The following SIGLEC10 variants were observed in gnomAD, a reference collection of about 807,000 sequenced individuals.
The protein encoded by SIGLEC10 is sialic acid-binding Ig-like lectin 10.
SIGLEC10 carries 45 observed loss-of-function variants against 68.3 expected under a neutral mutation model. The ratio of observed to expected loss-of-function variants is 0.66; its 90% CI spans 0.52 to 0.84. The LOEUF (loss-of-function observed/expected upper bound fraction) is 0.84. SIGLEC10 is among the 40% of genes least tolerant of loss of function. The pLI is 0.00. For missense variants in SIGLEC10, 789 were observed against 883.1 expected (o/e 0.89, Z 1.35); for synonymous variants, 379 against 370.8 (o/e 1.02, Z -0.26).
chr19:51,414,368 T>G lies in SIGLEC10; in HGVS notation c.1709+54A>C, dbSNP rs779473355. On this transcript the variant is annotated intron_variant, in intron 9 of 10. Transcript: ENST00000339313. The surrounding 1 kb of genome is among the most constrained non-coding windows in gnomAD (Gnocchi z 4.1). Reference sequence around the variant, plus strand: ...CTTCACTCTTTCGGCCTGCAACACCTCCCCTCTTCCTGGGTCCAGGCCCCA... The same window carrying G: ...CTTCACTCTTTCGGCCTGCAACACCGCCCCTCTTCCTGGGTCCAGGCCCCA... The G allele has an allele frequency of 6.7e-7, 1 of 1,485,434 alleles. No homozygotes were observed. The highest frequency in any genetic ancestry group is 9.3e-7 in the Non-Finnish European group (1 of 1,072,286). 92.0% of individuals were successfully genotyped at this position (1,485,434 alleles called of 1,614,324 possible).
At position 51,415,169 on chromosome 19, in the gene SIGLEC10, T is replaced by TC. The variant is rs768927521; in HGVS notation, c.1330+11dup. 1 of 1,592,316 alleles carries TC rather than the reference T, an allele frequency of 6.3e-7. No homozygotes were observed. Among genetic ancestry groups the TC allele is most frequent in the South Asian group, 1.1e-5 (1 of 87,638 alleles). Reference sequence around the variant, plus strand: ...CTTCCTGGGACCCAGGTGTCCCCTTTCCCCCACTCACAGTGCACGGAGAGG... The same window carrying TC: ...CTTCCTGGGACCCAGGTGTCCCCTTTCCCCCCACTCACAGTGCACGGAGAGG... On this transcript the variant is annotated intron_variant, in intron 7 of 10. Coordinates refer to ENST00000339313, the MANE Select transcript of SIGLEC10 (RefSeq NM_033130.5).
chr19:51,414,564 A>AC lies in SIGLEC10; in HGVS notation c.1616-50dup. On this transcript the variant is annotated intron_variant, in intron 8 of 10. Coordinates refer to ENST00000339313, the MANE Select transcript of SIGLEC10 (RefSeq NM_033130.5). This position sits in a 1 kb window ranked among gnomAD's most constrained non-coding sequence, Gnocchi z 4.1. ...AGCATTTCCCATCCACGCAGGGCTC[A>AC]CGAAGCCCGCTCATCACTCGGCATT... 1 of 1,567,662 alleles carries AC rather than the reference A, an allele frequency of 6.4e-7. No homozygotes were observed. Among genetic ancestry groups the AC allele is most frequent in the Non-Finnish European group, 8.8e-7 (1 of 1,141,894 alleles).
At position 51,410,828 on chromosome 19, in the gene SIGLEC10, T is replaced by C. The variant is rs1035683307; in HGVS notation, c.*271A>G. On this transcript the variant is annotated 3_prime_UTR_variant, in exon 11 of 11. Coordinates refer to ENST00000339313, the MANE Select transcript of SIGLEC10 (RefSeq NM_033130.5). ...CATGCCCAGCTAATTTTTGTATTTT[T>C]AGTAGAGACGGGGTTTCACCAAGTT... 1.6e-5 allele frequency: 5 copies of C among 317,470 alleles called. No homozygotes were observed. Among genetic ancestry groups the C allele is most frequent in the African/African-American group, 2.1e-5 (1 of 47,648 alleles). 19.7% of individuals were successfully genotyped at this position (317,470 alleles called of 1,614,324 possible). A position where few individuals can be genotyped will look rare whatever the true frequency, so the allele number is the denominator to read the frequency against.
Position 51,411,176 on chromosome 19 carries a change from G to C in SIGLEC10, c.2017C>G (p.Pro673Ala). The change falls in exon 11 of 11, where the codon CCA (proline) becomes GCA (alanine). Residue 673 changes from proline to alanine, a missense_variant. By Grantham distance (27) the Pro-to-Ala change is conservative. Coordinates refer to ENST00000339313, the MANE Select transcript of SIGLEC10 (RefSeq NM_033130.5). ...GCCTCAGGCCTGGGTCTGACGCCTG[G>C]GAAGTTGAGCGTGGCATAATGGAGC... Reference protein sequence around the residue: ...EELHYATLNFPGVRPRPEARM... With the variant: ...EELHYATLNFAGVRPRPEARM... 1 of 1,614,216 alleles carries C rather than the reference G, an allele frequency of 6.2e-7. No individual in the cohort carries two copies. Among genetic ancestry groups the C allele is most frequent in the Non-Finnish European group, 8.5e-7 (1 of 1,180,044 alleles).
chr19:51,414,404 C>T lies in SIGLEC10; in HGVS notation c.1709+18G>A, dbSNP rs1988337029. 5.0e-6 allele frequency: 8 copies of T among 1,608,534 alleles called. No homozygotes were observed. The highest frequency in any genetic ancestry group is 5.9e-6 in the Non-Finnish European group (7 of 1,176,680). Reference sequence around the variant, plus strand: ...TGGGTCCAGGCCCCAGACCCCGCCACGCCTCCTCTTAACCTACATGATCAG... The same window carrying T: ...TGGGTCCAGGCCCCAGACCCCGCCATGCCTCCTCTTAACCTACATGATCAG... On this transcript the variant is annotated intron_variant, in intron 9 of 10. Coordinates refer to ENST00000339313, the MANE Select transcript of SIGLEC10 (RefSeq NM_033130.5). The surrounding 1 kb of genome is among the most constrained non-coding windows in gnomAD (Gnocchi z 4.1).
intron 10 of SIGLEC10, among the ~76,000 whole-genome samples, chr19:51,412,303 A>C (rs1988094465): frequency 6.6e-6 from 1 of 151,900 alleles, no homozygotes; most frequent in Non-Finnish European, 1.5e-5. Flanking sequence ...TGTAGTAGTG[A>C]GGGAAGAGTA....
chr19:51,411,073 T>A lies in SIGLEC10; in HGVS notation c.*26A>T. 6.2e-7 allele frequency: 1 copy of A among 1,600,466 alleles called. No homozygotes were observed. Among genetic ancestry groups the A allele is most frequent in the Non-Finnish European group, 8.5e-7 (1 of 1,171,834 alleles). ...ACTCTACCTTCCTCCCTAGCCGAAG[T>A]CCCAGTCCTAAAGCCTAAGAGACCC... On this transcript the variant is annotated 3_prime_UTR_variant, in exon 11 of 11. Coordinates refer to ENST00000339313, the MANE Select transcript of SIGLEC10 (RefSeq NM_033130.5).
intron 4 of SIGLEC10, 22 bp downstream of exon 4, chr19:51,416,288 C>G: frequency 6.2e-7 from 1 of 1,614,058 alleles, no homozygotes; most frequent in Non-Finnish European, 8.5e-7. Context: ...TGGCCCAGCC[C>G]CAGCCCGACG....
Position 51,417,595 on chromosome 19 carries a change from G to A in SIGLEC10, c.-14C>T, listed in dbSNP as rs1236737144. ...TGGCAGTAGCATCTCCGCATAGGAG[G>A]CGCAGGGCCTGCCTGAGACAGGCCT... On this transcript the variant is annotated 5_prime_UTR_variant, in exon 1 of 11. Transcript: ENST00000339313. 1.1e-5 allele frequency: 18 copies of A among 1,614,108 alleles called. No individual in the cohort carries two copies. The highest frequency in any genetic ancestry group is 1.5e-5 in the Non-Finnish European group (18 of 1,179,940).
chr19:51,411,596 CGAAAGG>C (rs1242895038), intron 10 of SIGLEC10, among the ~76,000 whole-genome samples: 2 of 152,068 alleles, frequency 1.3e-5, no homozygotes, highest in Non-Finnish European at 2.9e-5. Flanking sequence ...TAGAAGGCAG[CGAAAGG>C]GAGGGTGGGA....
At position 51,417,269 on chromosome 19, in the gene SIGLEC10, C is replaced by G; in HGVS notation, c.234G>C (p.Gln78His). The change falls in exon 2 of 11, where the codon CAG becomes CAC. Residue 78 changes from glutamine to histidine, a missense_variant. Physicochemically the swap from Gln to His is conservative, Grantham distance 24 (BLOSUM62 0). Coordinates refer to ENST00000339313, the MANE Select transcript of SIGLEC10 (RefSeq NM_033130.5). ...GGGTGCTCATTTCCACCTCTCGACT[C>G]TGGTGGTTTGTGGCCACAGGAGCAC... ...TKGAPVATNHQSREVEMSTRG... is the reference protein window; with the variant it reads ...TKGAPVATNHHSREVEMSTRG... The G allele has an allele frequency of 6.2e-7, 1 of 1,614,226 alleles. No individual in the cohort carries two copies. The highest frequency in any genetic ancestry group is 8.5e-7 in the Non-Finnish European group (1 of 1,180,032).
In SIGLEC10 at chr19:51,417,527, G is replaced by A. The variant is rs749422729; in HGVS notation, c.37+18C>T. 87 of 1,614,084 alleles carry A rather than the reference G, an allele frequency of 5.4e-5. No individual in the cohort carries two copies. In the South Asian group the frequency reaches 7.0e-4, roughly 13 times the overall value. On this transcript the variant is annotated intron_variant, in intron 1 of 10. Coordinates refer to ENST00000339313, the MANE Select transcript of SIGLEC10 (RefSeq NM_033130.5). ...CCTAGCTCCGCCCCAGGTCCTTTCC[G>A]GCCCTTGGCCCACTCACCGCCCAGC...
rs1988616220 is a variant in SIGLEC10 at position 51,416,155 on chromosome 19, TGGGGC to T, written c.762_766del (p.Pro255AlafsTer23). 1 of 1,600,510 alleles carries T rather than the reference TGGGGC, an allele frequency of 6.2e-7. No individual in the cohort carries two copies. Among genetic ancestry groups the T allele is most frequent in the Non-Finnish European group, 8.5e-7 (1 of 1,175,360 alleles). On this transcript the variant is annotated frameshift_variant, in exon 5 of 11. Coordinates refer to ENST00000339313, the MANE Select transcript of SIGLEC10 (RefSeq NM_033130.5). LOFTEE classifies it high-confidence loss of function. Reference sequence around the variant, plus strand: ...CAGGTATGGGACATTTCCCTGGGGCTGGGGCTCCAGGGCTGGAGTGGGAGGAAAAA... The same window carrying T: ...CAGGTATGGGACATTTCCCTGGGGCTTCCAGGGCTGGAGTGGGAGGAAAAA...
chr19:51,416,066 G>C lies in SIGLEC10; in HGVS notation c.856C>G (p.Leu286Val). The C allele has an allele frequency of 6.2e-7, 1 of 1,612,624 alleles. No individual in the cohort carries two copies. Among genetic ancestry groups the C allele is most frequent in the Non-Finnish European group, 8.5e-7 (1 of 1,179,710 alleles). Reference protein sequence around the residue: ...CAADSQPPATLSWVLQNRVLS... With the variant: ...CAADSQPPATVSWVLQNRVLS... ...ACTCTGTTCTGCAGGACCCAGCTCAGTGTGGCAGGGGGCTGGCTGTCAGCA... is the reference window on the plus strand; with the variant it reads ...ACTCTGTTCTGCAGGACCCAGCTCACTGTGGCAGGGGGCTGGCTGTCAGCA... Residue 286 changes from leucine (L) to valine (V), a missense_variant, in exon 5 of 11, where the codon CTG becomes GTG. Transcript: ENST00000339313.
In SIGLEC10 at chr19:51,416,569, C is replaced by G. The variant is rs760706201; in HGVS notation, c.706+97G>C. On this transcript the variant is annotated intron_variant, in intron 3 of 10. Transcript: ENST00000339313. Reference sequence around the variant, plus strand: ...CCCCACAGCTTCCTCTCCCTGGATGCTCCTGAGCTGGGAGCCGCTCACTGT... The same window carrying G: ...CCCCACAGCTTCCTCTCCCTGGATGGTCCTGAGCTGGGAGCCGCTCACTGT... The G allele has an allele frequency of 8.2e-6, 13 of 1,585,108 alleles. No individual in the cohort carries two copies. The Admixed American group carries it at 2.3e-4, about 29-fold the overall frequency.
At position 51,414,864 on chromosome 19, in the gene SIGLEC10, G is replaced by A. The variant is rs142490331; in HGVS notation, c.1575C>T (p.Asn525=). 14 of 1,614,084 alleles carry A rather than the reference G, an allele frequency of 8.7e-6. No homozygotes were observed. Among genetic ancestry groups the A allele is most frequent in the Non-Finnish European group, 1.1e-5 (13 of 1,180,020 alleles). ...SGLRLRCEAW[N]VHGAQSGSIL... The stretch of plus-strand genomic sequence containing the variant: ...TGGATCCACTCTGGGCCCCATGGAC[G>A]TTCCAGGCCTCACAGCGGAGCCTGA... The change falls in exon 8 of 11, where the codon AAC becomes AAT. Residue 525 remains asparagine (N), a synonymous_variant. Coordinates refer to ENST00000339313, the MANE Select transcript of SIGLEC10 (RefSeq NM_033130.5). The surrounding 1 kb of genome is among the most constrained non-coding windows in gnomAD (Gnocchi z 4.1).
chr19:51,412,714 G>T (rs905315968), intron 10 of SIGLEC10, among the ~76,000 whole-genome samples: 3 of 151,738 alleles, frequency 2.0e-5, no homozygotes, highest in Admixed American at 2.0e-4. Context: ...GACCTCAGGC[G>T]ATCCACCCAC....
chr19:51,417,575 G>A lies in SIGLEC10; in HGVS notation c.7C>T (p.Leu3=). ...AGCAGCGAGGACAGCAGCAGTGGCAGTAGCATCTCCGCATAGGAGGCGCAG... is the reference window on the plus strand; with the variant it reads ...AGCAGCGAGGACAGCAGCAGTGGCAATAGCATCTCCGCATAGGAGGCGCAG... The part of the protein sequence containing the change: ML[L]PLLLSSLLGG... Residue 3 remains leucine (L), a synonymous_variant, in exon 1 of 11, where the codon CTG becomes TTG. Transcript: ENST00000339313. 6.2e-7 allele frequency: 1 copy of A among 1,614,206 alleles called. No individual in the cohort carries two copies. Among genetic ancestry groups the A allele is most frequent in the Admixed American group, 1.7e-5 (1 of 60,032 alleles).
rs530499932 is a variant in SIGLEC10, at chr19:51,417,204, T to C, written c.299A>G (p.Asn100Ser). The C allele has an allele frequency of 1.2e-5, 20 of 1,614,228 alleles. No homozygotes were observed. The African/African-American group carries it at 1.7e-4, about 14-fold the overall frequency. ...CGCGTCTCTGATCACCAAGGAGCAG[T>C]TCCCCTTGGCGGGATCCCCAGTGAG... Reference protein sequence around the residue: ...FQLTGDPAKGNCSLVIRDAQM... With the variant: ...FQLTGDPAKGSCSLVIRDAQM... The change falls in exon 2 of 11, where the codon AAC (asparagine) becomes AGC (serine). Residue 100 changes from asparagine (N) to serine (S), a missense_variant. Asn to Ser is a conservative substitution (Grantham distance 46). Coordinates refer to ENST00000339313, the MANE Select transcript of SIGLEC10 (RefSeq NM_033130.5).
Sources: gnomAD v4.1 joint callset for allele counts (sites outside exome capture counted in the v4.1 genomes callset) on GRCh38, gnomAD v4.1.1 for gene constraint, Gnocchi (gnomAD v3.1) non-coding constraint, MANE v1.5 for transcripts, NCBI Gene and HGNC (gene_info 2026-07-23, HGNC 2026-07-21) for gene names.